Variants in UTP4 observed in about 807,000 individuals in gnomAD.
The protein encoded by UTP4 is UTP4 small subunit processome component, also known as U3 small nucleolar RNA-associated protein 4 homolog.
In UTP4, 45 loss-of-function variants were observed where a neutral mutation model predicts 82.4. The ratio of observed to expected loss-of-function variants is 0.55; its 90% CI spans 0.43 to 0.70. The LOEUF (loss-of-function observed/expected upper bound fraction) is 0.70, where lower values mean the gene tolerates loss of function less well. Ranked by LOEUF, UTP4 falls within the 30% of genes least tolerant of loss-of-function variation. The pLI is 0.00. For missense variants in UTP4, 819 were observed against 858.3 expected, an observed-to-expected ratio of 0.95 and a Z score of 0.57; for synonymous variants, 348 against 300.3, an observed-to-expected ratio of 1.16 and a Z score of -1.64.
Position 69,133,593 on chromosome 16 carries a change from T to G in UTP4, c.134T>G (p.Leu45Trp), listed in dbSNP as rs764454732. ...RTDGTVEIYNLSANYFQEKFF... is the reference protein window; with the variant it reads ...RTDGTVEIYNWSANYFQEKFF... ...GATGGCACTGTGGAAATTTATAACTTGTCAGCAAACTACTTTCAGGAGAAA... is the reference window on the plus strand; with the variant it reads ...GATGGCACTGTGGAAATTTATAACTGGTCAGCAAACTACTTTCAGGAGAAA... The change falls in exon 2 of 17, where the codon TTG (leucine) becomes TGG (tryptophan). Residue 45 changes from leucine (L) to tryptophan (W), a missense_variant. Physicochemically the swap from Leu to Trp is moderately conservative, Grantham distance 61. Transcript: ENST00000314423. The G allele has an allele frequency of 6.2e-7, 1 of 1,614,164 alleles. No individual in the cohort carries two copies. The highest frequency in any genetic ancestry group is 1.3e-5 in the African/African-American group (1 of 75,046).
rs771385144 is a variant in UTP4 at position 69,153,695 on chromosome 16, C to T, written c.1099+15C>T. On this transcript the variant is annotated intron_variant, in intron 9 of 16. Transcript: ENST00000314423. Reference sequence around the variant, plus strand: ...AGTTGCAACAGGTAAGATGGGAGCACGTTTTTTTCAATAAGAAAACTGGAG... The same window carrying T: ...AGTTGCAACAGGTAAGATGGGAGCATGTTTTTTTCAATAAGAAAACTGGAG... 12 of 1,569,024 alleles carry T rather than the reference C, an allele frequency of 7.6e-6. No homozygotes were observed. Among genetic ancestry groups the T allele is most frequent in the South Asian group, 6.7e-5 (6 of 89,262 alleles).
At chr16:69,149,878 G>A (rs1963214230) in intron 6 of UTP4, among the ~76,000 whole-genome samples, 1 of 151,896 alleles carries the variant, frequency 6.6e-6, no homozygotes, top group Admixed American at 6.6e-5. Context: ...ACAGGCATGC[G>A]CCACCACGCC....
At chr16:69,159,991 AAAAAAAC>A (rs931765763) in intron 12 of UTP4, among the ~76,000 whole-genome samples, 10 of 151,944 alleles carry the variant, frequency 6.6e-5, no homozygotes, top group South Asian at 2.1e-4. Flanking sequence ...TCTCAAAAAA[AAAAAAAC>A]AAAAAACAGA....
Position 69,160,421 on chromosome 16 carries a change from A to C in UTP4, c.1510A>C (p.Thr504Pro), listed in dbSNP as rs1250960397. The C allele has an allele frequency of 6.2e-7, 1 of 1,614,112 alleles. No homozygotes were observed. Among genetic ancestry groups the C allele is most frequent in the South Asian group, 1.1e-5 (1 of 91,080 alleles). Residue 504 changes from threonine to proline, a missense_variant, in exon 13 of 17, where the codon ACC (threonine) becomes CCC (proline). By Grantham distance (38) the Thr-to-Pro change is conservative. Transcript: ENST00000314423. Reference protein sequence around the residue: ...PDGNWLAASGTSAGVHVYNVK... With the variant: ...PDGNWLAASGPSAGVHVYNVK... ...TGGGAATTGGCTAGCTGCATCAGGTACCAGTGCTGGAGTCCATGTCTACAA... is the reference window on the plus strand; with the variant it reads ...TGGGAATTGGCTAGCTGCATCAGGTCCCAGTGCTGGAGTCCATGTCTACAA...
intron 12 of UTP4, among the ~76,000 whole-genome samples, chr16:69,158,071 C>T (rs1963466604): frequency 6.8e-6 from 1 of 147,890 alleles, no homozygotes; most frequent in Non-Finnish European, 1.5e-5. Flanking sequence ...TGTTTTGATA[C>T]TTCCTATGGG....
At chr16:69,165,695 T>A in intron 15 of UTP4, 169 bp downstream of exon 15, 1 of 705,592 alleles carries the variant, frequency 1.4e-6, no homozygotes, top group Non-Finnish European at 2.5e-6. Context: ...TTTTACAGAT[T>A]CCCTGGTTTG....
intron 8 of UTP4, 72 bp from the exon 9 acceptor site, chr16:69,153,512 G>C: frequency 2.0e-6 from 2 of 1,014,366 alleles, no homozygotes; most frequent in South Asian, 1.3e-5. Context: ...CTAAGGTGGT[G>C]CTACTGTATC....
intron 12 of UTP4, among the ~76,000 whole-genome samples, chr16:69,159,725 C>T (rs941692608): frequency 2.6e-5 from 4 of 151,430 alleles, no homozygotes; most frequent in East Asian, 2.0e-4. Context: ...CGGTGGCTCA[C>T]GCCTGTAATC....
intron 4 of UTP4, among the ~76,000 whole-genome samples, chr16:69,138,309 C>T (rs1293252843): frequency 6.6e-6 from 1 of 150,916 alleles, no homozygotes; most frequent in Non-Finnish European, 1.5e-5. Context: ...ATGATCTCGG[C>T]TCACTGTAAT....
chr16:69,166,944 G>A (rs1010806317), intron 15 of UTP4, 131 bp from the exon 16 acceptor site: 3 of 684,198 alleles, frequency 4.4e-6, no homozygotes, highest in African/African-American at 1.8e-5. Flanking sequence ...CCGAATTAAC[G>A]AATGTCAGGG....
rs1231272086 is a variant in UTP4 at position 69,143,210 on chromosome 16, C to G, written c.559C>G (p.Gln187Glu). The G allele has an allele frequency of 1.2e-6, 2 of 1,614,200 alleles. No individual in the cohort carries two copies. The highest frequency in any genetic ancestry group is 1.1e-5 in the South Asian group (1 of 91,090). ...TGTTCATAAGATGATTGTGGACAGG[C>G]AGTATATGGGCGTGTCTAAGCGGAA... ...SAVHKMIVDRQYMGVSKRKCI... is the reference protein window; with the variant it reads ...SAVHKMIVDREYMGVSKRKCI... Residue 187 changes from glutamine to glutamate, a missense_variant, in exon 6 of 17, where the codon CAG becomes GAG. Coordinates refer to ENST00000314423, the MANE Select transcript of UTP4 (RefSeq NM_032830.3).
At chr16:69,144,992 A>G (rs146817633) in intron 6 of UTP4, among the ~76,000 whole-genome samples, 7,439 of 151,980 alleles carry the variant, frequency 0.049, 207 homozygotes, top group South Asian at 0.072. Context: ...AAATGCAAAA[A>G]TTAGCTGGGC....
intron 2 of UTP4, among the ~76,000 whole-genome samples, chr16:69,136,402 A>G (rs1280676668): frequency 6.6e-6 from 1 of 152,134 alleles, no homozygotes; most frequent in Non-Finnish European, 1.5e-5. Context: ...TACTTTTTAT[A>G]TTTTTTGTAG....
In UTP4 at chr16:69,168,811, C is replaced by G. The variant is rs1159735351; in HGVS notation, c.1945-10C>G. The G allele has an allele frequency of 6.5e-7, 1 of 1,540,742 alleles. No individual in the cohort carries two copies. Among genetic ancestry groups the G allele is most frequent in the South Asian group, 1.1e-5 (1 of 89,682 alleles). On this transcript the variant is annotated splice_polypyrimidine_tract_variant and intron_variant, in intron 16 of 16. Transcript: ENST00000314423. ...TAAGTCCTGATAGAATAATTATCAT[C>G]CCTCTGCAGCCTCTACTCTTCATGG... is the stretch of plus-strand genomic sequence containing the variant.
chr16:69,134,861 T>C (rs1962770845), intron 2 of UTP4, among the ~76,000 whole-genome samples: 1 of 151,530 alleles, frequency 6.6e-6, no homozygotes, highest in Non-Finnish European at 1.5e-5. Flanking sequence ...CTAATTTTTT[T>C]ATTTTCATAG....
chr16:69,156,176 C>T (rs572858642), intron 11 of UTP4, among the ~76,000 whole-genome samples, 183 bp downstream of exon 11: 10 of 110,318 alleles, frequency 9.1e-5, no homozygotes, highest in East Asian at 8.8e-4. Context: ...TTTTTTGAGA[C>T]GGAGTTTTGC....
At chr16:69,133,327 A>G (rs1216183829) in intron 1 of UTP4, 131 bp from the exon 2 acceptor site, 12 of 847,874 alleles carry the variant, frequency 1.4e-5, no homozygotes, top group African/African-American at 3.4e-5. Flanking sequence ...GTTAGCAGCC[A>G]TTTGGAAATG....
intron 13 of UTP4, among the ~76,000 whole-genome samples, chr16:69,161,429 A>G (rs983643659): frequency 6.6e-6 from 1 of 152,230 alleles, no homozygotes; most frequent in African/African-American, 2.4e-5. Context: ...TGTACTGAGC[A>G]CTTGTCTTTG....
intron 4 of UTP4, chr16:69,138,932 T>G (rs1962885094): frequency 6.6e-6 from 1 of 151,972 alleles, no homozygotes; most frequent in Non-Finnish European, 1.5e-5. Context: ...AGATTCTTGC[T>G]TCGTTTTTAA....
Sources: allele counts gnomAD v4.1 joint callset (sites outside exome capture counted in the v4.1 genomes callset), GRCh38; gene constraint gnomAD v4.1.1; transcripts MANE v1.5; gene names NCBI Gene and HGNC (gene_info 2026-07-23, HGNC 2026-07-21).